The following RYR1 variants were observed in gnomAD, a reference collection of about 807,000 sequenced individuals.
RYR1 encodes ryanodine receptor 1, also known as central core disease of muscle.
In RYR1, 342 loss-of-function variants were observed where a neutral mutation model predicts 583.5. The ratio of observed to expected loss-of-function variants is 0.59; its 90% CI spans 0.54 to 0.64. RYR1 has a LOEUF of 0.64. Among genes scored for constraint, RYR1 ranks in the 30% least tolerant of loss-of-function variants. The pLI is 0.00. For missense variants in RYR1, 6,032 were observed against 6,917.2 expected (o/e 0.87, Z 4.54); for synonymous variants, 2,791 against 2,822.5 (o/e 0.99, Z 0.35).
At chr19:38,468,230 T>A (rs1186163376) in intron 25 of RYR1, among the ~76,000 whole-genome samples, 1 of 151,678 alleles carries the variant, frequency 6.6e-6, no homozygotes, top group Non-Finnish European at 1.5e-5. Context: ...CATCCATCCA[T>A]CCATCCATCA....
Position 38,535,186 on chromosome 19 carries a change from C to T in RYR1, c.11405C>T (p.Ser3802Phe). 1.2e-6 allele frequency: 2 copies of T among 1,614,148 alleles called. No homozygotes were observed. The highest frequency in any genetic ancestry group is 1.7e-6 in the Non-Finnish European group (2 of 1,180,038). The change falls in exon 80 of 106, where the codon TCC becomes TTC. Residue 3802 changes from serine (S) to phenylalanine (F), a missense_variant. This residue lies in a region of RYR1 where 1,493 missense variants were observed against 1,715.5 expected (regional missense o/e 0.87). Transcript: ENST00000359596. ...MVSSTLKLGI[S>F]ILNGGNAEVQ... ...TCCTCCACCCTGAAGCTGGGCATCT[C>T]CATCCTCAATGGAGGCAATGCTGAG... is the stretch of plus-strand genomic sequence containing the variant.
chr19:38,439,034 T>C (rs866011094), intron 1 of RYR1, among the ~76,000 whole-genome samples: 4 of 152,066 alleles, frequency 2.6e-5, no homozygotes, highest in African/African-American at 9.7e-5. Context: ...TTGATCTTCA[T>C]TGACTTTATT....
chr19:38,468,884 A>G (rs1425808850), intron 25 of RYR1, 82 bp from the exon 26 acceptor site: 4 of 1,435,234 alleles, frequency 2.8e-6, no homozygotes, highest in Non-Finnish European at 3.9e-6. Flanking sequence ...CTGTCTTCAT[A>G]TATCTCTCCC....
chr19:38,534,580 C>T, intron 78 of RYR1, 140 bp from the exon 79 acceptor site: 2 of 747,756 alleles, frequency 2.7e-6, no homozygotes, highest in African/African-American at 1.7e-5. Flanking sequence ...GTGTGAGCCC[C>T]AGGGGATGGA....
intron 90 of RYR1, 24 bp from the exon 91 acceptor site, chr19:38,564,935 C>A (rs1325620217): frequency 1.0e-5 from 16 of 1,561,702 alleles, no homozygotes; most frequent in Non-Finnish European, 1.4e-5. Flanking sequence ...GGCGCCCTAT[C>A]CTGTCTGCCG....
chr19:38,551,726 TCCCCAAC>T (rs923507065), intron 89 of RYR1, among the ~76,000 whole-genome samples: 9 of 151,934 alleles, frequency 5.9e-5, no homozygotes, highest in African/African-American at 2.2e-4. Flanking sequence ...TTCGTTTCCC[TCCCCAAC>T]CCTGAGGGGC....
chr19:38,512,800 C>G lies in RYR1; in HGVS notation c.9472+317C>G, dbSNP rs2145665149. ...GCAACATAGCGAGACCCTGTCTCTA[C>G]TAAAAAAAAAAAGAAAAATTTAAAG... On this transcript the variant is annotated intron_variant, in intron 63 of 105. Coordinates refer to ENST00000359596, the MANE Select transcript of RYR1 (RefSeq NM_000540.3). This position sits in a 1 kb window ranked among gnomAD's most constrained non-coding sequence, Gnocchi z 5.1. Among the ~76,000 whole-genome samples the G allele has an allele frequency of 2.0e-5, 3 of 148,312 alleles. 1 individual carries two copies. The South Asian group carries it at 6.4e-4, about 32-fold the overall frequency.
chr19:38,524,772 CTT>C (rs1395156098), intron 70 of RYR1, among the ~76,000 whole-genome samples: 1 of 152,126 alleles, frequency 6.6e-6, no homozygotes, highest in Non-Finnish European at 1.5e-5. Flanking sequence ...CGCTTGAACT[CTT>C]TGTGGACCTG....
In RYR1 at chr19:38,502,911, T is replaced by G. The variant is rs1245061560; in HGVS notation, c.7867T>G (p.Leu2623Val). 1 of 1,611,758 alleles carries G rather than the reference T, an allele frequency of 6.2e-7. No homozygotes were observed. Among genetic ancestry groups the G allele is most frequent in the Non-Finnish European group, 8.5e-7 (1 of 1,179,990 alleles). ...CCGCCCGTCGATGCTGCAGCACCTG[T>G]TGCGCCGCCTGGTGTTCGACGTGCC... ...YIRPSMLQHLLRRLVFDVPIL... is the reference protein window; with the variant it reads ...YIRPSMLQHLVRRLVFDVPIL... Residue 2623 changes from leucine (L) to valine (V), a missense_variant, in exon 49 of 106, where the codon TTG (leucine) becomes GTG (valine). By Grantham distance (32) the Leu-to-Val change is conservative. Transcript: ENST00000359596.
chr19:38,452,745 GAGTGAGGTTGCGGC>G (rs1967143479), intron 12 of RYR1, 60 bp from the exon 13 acceptor site: 4 of 1,379,964 alleles, frequency 2.9e-6, no homozygotes, highest in Non-Finnish European at 4.0e-6. Context: ...AGTCTTGCGG[GAGTGAGGTTGCGGC>G]AGTGACGTTG....
intron 28 of RYR1, among the ~76,000 whole-genome samples, chr19:38,474,046 G>A (rs1377375938): frequency 2.6e-5 from 4 of 152,124 alleles, no homozygotes; most frequent in South Asian, 4.1e-4. Flanking sequence ...AAAGGGCTTC[G>A]CCCAATGGAC....
intron 42 of RYR1, among the ~76,000 whole-genome samples, chr19:38,498,461 G>A (rs1432103268): frequency 2.6e-5 from 4 of 152,118 alleles, no homozygotes; most frequent in African/African-American, 9.7e-5. Flanking sequence ...CAAAGAGAAG[G>A]TTCTTGGATC....
At chr19:38,491,335 A>G (rs1374571613) in intron 37 of RYR1, among the ~76,000 whole-genome samples, 2 of 151,888 alleles carry the variant, frequency 1.3e-5, no homozygotes, top group African/African-American at 4.8e-5. Flanking sequence ...TTATTCAAAT[A>G]CTTTTCTGCC....
chr19:38,495,380 C>T (rs145040488), intron 39 of RYR1, among the ~76,000 whole-genome samples: 1 of 152,362 alleles, frequency 6.6e-6, no homozygotes, highest in African/African-American at 2.4e-5. Flanking sequence ...GGGCCTCACT[C>T]TGTTGCCCAG....
intron 49 of RYR1, 34 bp from the exon 50 acceptor site, chr19:38,504,186 C>T (rs1421671011): frequency 1.3e-6 from 2 of 1,592,396 alleles, no homozygotes; most frequent in African/African-American, 1.3e-5. Context: ...TGGTGCCCCC[C>T]TCATTTGTGT....
At chr19:38,497,202 TC>T (rs565829734) in intron 42 of RYR1, among the ~76,000 whole-genome samples, 200 of 149,224 alleles carry the variant, frequency 1.3e-3, no homozygotes, top group Non-Finnish European at 2.2e-3. Context: ...AGTCTACGCT[TC>T]CGGGATGGGG....
chr19:38,506,845 C>A lies in RYR1; in HGVS notation c.8709C>A (p.Pro2903=), dbSNP rs372055058. The A allele has an allele frequency of 4.3e-6, 7 of 1,614,066 alleles. No homozygotes were observed. The South Asian group carries it at 5.5e-5, about 13-fold the overall frequency. ...CCTCCCCAGGCGGTGGGACCCACCC[C>A]CTGCTGGTCCCCTACGACACGCTCA... is the stretch of plus-strand genomic sequence containing the variant. The part of the protein sequence containing the change: ...ELEAKGGGTH[P]LLVPYDTLTA... Residue 2903 remains proline (P), a synonymous_variant, in exon 57 of 106, where the codon CCC becomes CCA. Transcript: ENST00000359596.
Position 38,499,332 on chromosome 19 carries a change from C to T in RYR1, c.7027+89C>T, listed in dbSNP as rs1330736179. The T allele has an allele frequency of 3.8e-6, 6 of 1,591,958 alleles. No individual in the cohort carries two copies. The highest frequency in any genetic ancestry group is 4.3e-6 in the Non-Finnish European group (5 of 1,161,776). On this transcript the variant is annotated intron_variant, in intron 43 of 105. Transcript: ENST00000359596. The surrounding 1 kb of genome is among the most constrained non-coding windows in gnomAD (Gnocchi z 7.3). ...AGATGACTGCTCGCACCCTGAGCCA[C>T]AGATGGGGTCCAGGCAGGAATCCCT...
At chr19:38,461,543 C>T (rs1333809296) in intron 20 of RYR1, among the ~76,000 whole-genome samples, 1 of 151,872 alleles carries the variant, frequency 6.6e-6, no homozygotes, top group Non-Finnish European at 1.5e-5. Context: ...GCCTAGGCAA[C>T]ATAGCAAGAC....
Sources: gnomAD v4.1 joint callset for allele counts (sites outside exome capture counted in the v4.1 genomes callset) on GRCh38, gnomAD v4.1.1 for gene constraint, gnomAD v4.1.1 regional missense constraint, Gnocchi (gnomAD v3.1) non-coding constraint, MANE v1.5 for transcripts, NCBI Gene and HGNC (gene_info 2026-07-23, HGNC 2026-07-21) for gene names.